Variants in ASTN1 observed in about 807,000 individuals in gnomAD.
ASTN1 encodes the protein astrotactin 1, also known as astrotactin-1.
Under a neutral mutation model 140.7 loss-of-function variants are expected in ASTN1, and 41 were observed. The observed-to-expected ratio is 0.29, with a 90% CI of 0.23 to 0.38. The LOEUF (loss-of-function observed/expected upper bound fraction) is 0.38. ASTN1 is among the 10% of genes least tolerant of loss of function. The probability of loss-of-function intolerance (pLI) is 1.00; values close to 1 mark genes in which losing one functional copy is unlikely to be tolerated. For missense variants in ASTN1, 1,479 were observed against 1,678.8 expected (o/e 0.88, Z 2.08); for synonymous variants, 640 against 652.2 (o/e 0.98, Z 0.29).
intron 1 of ASTN1, among the ~76,000 whole-genome samples, chr1:177,085,082 G>C (rs908611975): frequency 6.6e-6 from 1 of 152,154 alleles, no homozygotes; most frequent in Non-Finnish European, 1.5e-5. Context: ...GAAAGCATAA[G>C]AAATGAGACT....
intron 7 of ASTN1, among the ~76,000 whole-genome samples, chr1:177,017,973 A>G (rs1675643375): frequency 6.6e-6 from 1 of 152,222 alleles, no homozygotes; most frequent in Non-Finnish European, 1.5e-5. Flanking sequence ...GTTCTCCATG[A>G]GGAAAATGCA....
chr1:177,046,167 C>A (rs554881308), intron 2 of ASTN1, among the ~76,000 whole-genome samples: 1 of 152,276 alleles, frequency 6.6e-6, no homozygotes, highest in South Asian at 2.1e-4. Context: ...ACCGGGTAGA[C>A]CCCATTGGCA....
intron 1 of ASTN1, among the ~76,000 whole-genome samples, chr1:177,069,350 C>G (rs1206487941): frequency 6.6e-6 from 1 of 152,106 alleles, no homozygotes; most frequent in East Asian, 1.9e-4. Context: ...ATGTTAACTT[C>G]TTTTGAAGCT....
chr1:176,954,329 A>T (rs1330192947), intron 11 of ASTN1, among the ~76,000 whole-genome samples: 6 of 152,214 alleles, frequency 3.9e-5, no homozygotes, highest in Non-Finnish European at 2.9e-5. Context: ...CTACAGAAAA[A>T]TGGTCAGAAA....
rs1671429275 is a variant in ASTN1 at position 176,936,045 on chromosome 1, C to T, written c.2482+221G>A. The T allele has an allele frequency of 1.8e-5, 11 of 615,252 alleles. No homozygotes were observed. In the South Asian group the frequency reaches 2.0e-4, roughly 11 times the overall value. The allele number at this position is 615,252 out of a possible 1,614,324, so 38.1% of individuals were successfully genotyped here. ...TCCAGTCTTGCCCTTTCCCTCTCTT[C>T]TGTAGTCCAAGATAACACATGCAAT... On this transcript the variant is annotated intron_variant, in intron 15 of 22. Coordinates refer to ENST00000361833, the MANE Select transcript of ASTN1 (RefSeq NM_004319.3).
At position 176,862,452 on chromosome 1, in the gene ASTN1, A is replaced by C. The variant is rs1199795137; in HGVS notation, c.*1832T>G. 1 of 985,320 alleles carries C rather than the reference A, an allele frequency of 1.0e-6. No homozygotes were observed. Among genetic ancestry groups the C allele is most frequent in the African/African-American group, 1.7e-5 (1 of 57,242 alleles). The allele number at this position is 985,320 out of a possible 1,614,324, so 61.0% of individuals were successfully genotyped here. On this transcript the variant is annotated 3_prime_UTR_variant, in exon 23 of 23. Coordinates refer to ENST00000361833, the MANE Select transcript of ASTN1 (RefSeq NM_004319.3). ...CTTTCGCCCCTCCTCCTTCCACTGC[A>C]CAGAGGACATGTCCATGCCACAGAT... is the stretch of plus-strand genomic sequence containing the variant.
At chr1:176,884,964 G>A (rs1331033674) in intron 18 of ASTN1, among the ~76,000 whole-genome samples, 1 of 152,194 alleles carries the variant, frequency 6.6e-6, no homozygotes, top group African/African-American at 2.4e-5. Context: ...ACCTTATCAG[G>A]ATCTGCCGTG....
At chr1:176,897,962 G>A (rs1048509755) in intron 16 of ASTN1, among the ~76,000 whole-genome samples, 2 of 151,982 alleles carry the variant, frequency 1.3e-5, no homozygotes, top group African/African-American at 2.4e-5. Context: ...TGACAAATGC[G>A]GCCACTAGAG....
At position 177,023,511 on chromosome 1, in the gene ASTN1, G is replaced by GC; in HGVS notation, c.1330dup (p.Ala444GlyfsTer29). 1 of 1,611,160 alleles carries GC rather than the reference G, an allele frequency of 6.2e-7. No individual in the cohort carries two copies. The highest frequency in any genetic ancestry group is 8.5e-7 in the Non-Finnish European group (1 of 1,178,968). On this transcript the variant is annotated frameshift_variant, in exon 7 of 23. Coordinates refer to ENST00000361833, the MANE Select transcript of ASTN1 (RefSeq NM_004319.3). LOFTEE classifies it high-confidence loss of function. ...CTGCTGAGAGAAGAGAACCACTTGGGCAGGGTTCAGCCAGTCACTGGCATC... is the reference window on the plus strand; with the variant it reads ...CTGCTGAGAGAAGAGAACCACTTGGGCCAGGGTTCAGCCAGTCACTGGCATC...
At chr1:177,060,998 T>C in intron 2 of ASTN1, 80 bp downstream of exon 2, 2 of 1,287,888 alleles carry the variant, frequency 1.6e-6, no homozygotes, top group Non-Finnish European at 1.0e-6. Flanking sequence ...TCTGATAGAG[T>C]GATATCTATA....
intron 17 of ASTN1, among the ~76,000 whole-genome samples, chr1:176,889,694 T>C (rs1198894901): frequency 6.6e-6 from 1 of 152,302 alleles, no homozygotes; most frequent in East Asian, 1.9e-4. Flanking sequence ...ATAACTATCA[T>C]TTGTGCAGAG....
intron 2 of ASTN1, among the ~76,000 whole-genome samples, chr1:177,052,683 C>T (rs1416267229): frequency 1.3e-5 from 2 of 152,226 alleles, no homozygotes; most frequent in East Asian, 3.8e-4. Context: ...CCCGATCCAG[C>T]TCTTCCTTTA....
At chr1:177,112,304 T>C (rs1204166028) in intron 1 of ASTN1, among the ~76,000 whole-genome samples, 1 of 152,334 alleles carries the variant, frequency 6.6e-6, no homozygotes, top group East Asian at 1.9e-4. Flanking sequence ...TAAAGAGTCC[T>C]TCACATCAAA....
Position 177,147,270 on chromosome 1 carries a change from TG to T in ASTN1, c.283+17123del, listed in dbSNP as rs544311875. On this transcript the variant is annotated intron_variant, in intron 1 of 22. Transcript: ENST00000361833. Reference sequence around the variant, plus strand: ...TATCATCGGTCCCTGGGAAGATCTATGGAACACTTAGAAGGCTTCCCAGGAG... The same window carrying T: ...TATCATCGGTCCCTGGGAAGATCTATGAACACTTAGAAGGCTTCCCAGGAG... 2.4e-3 allele frequency among the ~76,000 whole-genome samples: 373 copies of T among 152,276 alleles called. 2 individuals are homozygous for T. The highest frequency in any genetic ancestry group is 8.1e-3 in the African/African-American group (337 of 41,544).
rs769751803 is a variant in ASTN1 at position 176,888,114 on chromosome 1, C to T, written c.3031G>A (p.Gly1011Arg). The T allele has an allele frequency of 1.9e-6, 3 of 1,614,114 alleles. No homozygotes were observed. The highest frequency in any genetic ancestry group is 3.3e-5 in the Admixed American group (2 of 60,018). The change falls in exon 18 of 23, where the codon GGA becomes AGA. Residue 1011 changes from glycine (G) to arginine (R), a missense_variant. By Grantham distance (125) the Gly-to-Arg change is moderately radical. Around this residue, in one of 3 missense-constraint regions of ASTN1, gnomAD observed 746 missense variants for 800.9 expected, o/e 0.93. Transcript: ENST00000361833. ...GCACAGGTGGGGAGTCCATCAGCTC[C>T]AAAAGCAGTGGAGTCACATCGACAC... ...DWCRCDSTAFGADGLPTCAPL... is the reference protein window; with the variant it reads ...DWCRCDSTAFRADGLPTCAPL...
At chr1:177,151,215 T>A (rs999973367) in intron 1 of ASTN1, among the ~76,000 whole-genome samples, 1 of 152,026 alleles carries the variant, frequency 6.6e-6, no homozygotes, top group African/African-American at 2.4e-5. Flanking sequence ...TTAATTTTTT[T>A]CGAATCCTTA....
intron 1 of ASTN1, among the ~76,000 whole-genome samples, chr1:177,070,554 T>A (rs1678587095): frequency 7.2e-6 from 1 of 138,912 alleles, no homozygotes; most frequent in African/African-American, 2.7e-5. Flanking sequence ...TCTGTTCTTA[T>A]CATCTAAGAT....
chr1:176,894,936 A>T, intron 16 of ASTN1, 106 bp from the exon 17 acceptor site: 1 of 1,452,986 alleles, frequency 6.9e-7, no homozygotes, highest in East Asian at 2.3e-5. Context: ...GATCAGAAAC[A>T]GCCACTGAAG....
intron 1 of ASTN1, among the ~76,000 whole-genome samples, chr1:177,163,380 A>G (rs1389112305): frequency 1.3e-5 from 2 of 152,068 alleles, no homozygotes; most frequent in Non-Finnish European, 2.9e-5. Context: ...ACACATGGAG[A>G]AGTGAGGGGA....
Sources: allele counts gnomAD v4.1 joint callset (sites outside exome capture counted in the v4.1 genomes callset), GRCh38; gene constraint gnomAD v4.1.1; regional missense constraint gnomAD v4.1.1; transcripts MANE v1.5; gene names NCBI Gene and HGNC (gene_info 2026-07-23, HGNC 2026-07-21).